Variants in BMP6 observed in about 807,000 individuals in gnomAD.
BMP6 encodes the protein VG-1-R.
Under a neutral mutation model 54.1 loss-of-function variants are expected in BMP6, and 17 were observed. That is an observed-to-expected ratio of 0.31 (90% CI 0.22 to 0.47). The LOEUF (loss-of-function observed/expected upper bound fraction) is 0.47, where lower values mean the gene tolerates loss of function less well. Ranked by LOEUF, BMP6 falls within the 20% of genes least tolerant of loss-of-function variation. The pLI, the probability that BMP6 is intolerant of heterozygous loss-of-function variation, is 1.00. For synonymous variants in BMP6, 328 were observed against 291.2 expected, an observed-to-expected ratio of 1.13 and a Z score of -1.28; for missense variants, 720 against 690.4, an observed-to-expected ratio of 1.04 and a Z score of -0.48.
chr6:7,783,300 A>G (rs1345292005), intron 1 of BMP6, among the ~76,000 whole-genome samples: 4 of 152,234 alleles, frequency 2.6e-5, no homozygotes, highest in African/African-American at 9.6e-5. Context: ...TCTTCTCCAT[A>G]AGACTGTTGT....
chr6:7,779,921 T>C (rs1757918423), intron 1 of BMP6, among the ~76,000 whole-genome samples: 1 of 151,980 alleles, frequency 6.6e-6, no homozygotes, highest in Non-Finnish European at 1.5e-5. Flanking sequence ...GTCTGGTGAG[T>C]GTGTTTGGGT....
intron 1 of BMP6, among the ~76,000 whole-genome samples, chr6:7,734,790 A>G (rs1438226888): frequency 6.6e-6 from 1 of 152,356 alleles, no homozygotes; most frequent in East Asian, 1.9e-4. Flanking sequence ...AAATTACATC[A>G]GTTAATTCCT....
At chr6:7,857,988 A>G (rs9392927) in intron 2 of BMP6, among the ~76,000 whole-genome samples, 7,015 of 152,212 alleles carry the variant, frequency 0.046, 281 homozygotes, top group East Asian at 0.21. Context: ...CTCCACCACT[A>G]TGCCACCATC....
At chr6:7,853,241 T>C (rs971800460) in intron 2 of BMP6, among the ~76,000 whole-genome samples, 4 of 152,134 alleles carry the variant, frequency 2.6e-5, no homozygotes, top group Non-Finnish European at 5.9e-5. Context: ...TTAGTGGGAA[T>C]GTTAGTTTGA....
intron 2 of BMP6, among the ~76,000 whole-genome samples, chr6:7,855,624 C>T (rs139870794): frequency 7.4e-6 from 1 of 135,354 alleles, no homozygotes; most frequent in East Asian, 2.5e-4. Flanking sequence ...TGCAGTGGCA[C>T]AATCTCAGCT....
chr6:7,763,091 C>T (rs1465333285), intron 1 of BMP6, among the ~76,000 whole-genome samples: 1 of 152,206 alleles, frequency 6.6e-6, no homozygotes, highest in African/African-American at 2.4e-5. Flanking sequence ...ATGAATTCTG[C>T]AAGTCTTGGT....
intron 1 of BMP6, among the ~76,000 whole-genome samples, chr6:7,782,966 T>C (rs1228336729): frequency 6.6e-6 from 1 of 152,092 alleles, no homozygotes; most frequent in African/African-American, 2.4e-5. Context: ...CTTTGCAACA[T>C]GGCGGTCACT....
intron 1 of BMP6, among the ~76,000 whole-genome samples, chr6:7,808,428 T>G (rs1025975556): frequency 6.6e-6 from 1 of 152,174 alleles, no homozygotes; most frequent in Non-Finnish European, 1.5e-5. Context: ...CATTGCAAAC[T>G]TAACAAAACC....
chr6:7,764,707 T>C (rs1757659801), intron 1 of BMP6, among the ~76,000 whole-genome samples: 1 of 152,160 alleles, frequency 6.6e-6, no homozygotes, highest in South Asian at 2.1e-4. Context: ...ATTCAAACTC[T>C]TGGACTCAAG....
At chr6:7,871,595 A>T (rs975134824) in intron 4 of BMP6, among the ~76,000 whole-genome samples, 1 of 152,192 alleles carries the variant, frequency 6.6e-6, no homozygotes, top group African/African-American at 2.4e-5. Flanking sequence ...TGAGGGGGAA[A>T]ATTGCCTCTG....
chr6:7,817,642 G>A (rs1485474391), intron 1 of BMP6, among the ~76,000 whole-genome samples: 2 of 151,620 alleles, frequency 1.3e-5, no homozygotes, highest in African/African-American at 2.4e-5. Flanking sequence ...GTTAATGGGT[G>A]CAGCACACCA....
chr6:7,841,252 G>A (rs1157843204), intron 1 of BMP6, among the ~76,000 whole-genome samples: 1 of 152,084 alleles, frequency 6.6e-6, no homozygotes, highest in Non-Finnish European at 1.5e-5. Context: ...TCTTAACTAC[G>A]ACTTAATTGT....
At position 7,871,612 on chromosome 6, in the gene BMP6, T is replaced by C. The variant is rs1477363607; in HGVS notation, c.1205-7462T>C. On this transcript the variant is annotated intron_variant, in intron 4 of 6. Coordinates refer to ENST00000283147, the MANE Select transcript of BMP6 (RefSeq NM_001718.6). ...AGGGGGAAAATTGCCTCTGGGCGGC[T>C]GGTGCCCCTGCCCTTGAGGGGGACC... Among the ~76,000 whole-genome samples the C allele has an allele frequency of 2.6e-5, 4 of 152,248 alleles. No homozygotes were observed. The East Asian group carries it at 7.7e-4, about 29-fold the overall frequency.
chr6:7,750,105 A>G (rs1345302672), intron 1 of BMP6, among the ~76,000 whole-genome samples: 4 of 152,172 alleles, frequency 2.6e-5, no homozygotes. Flanking sequence ...GCTTTTACTC[A>G]CTGTCAATGC....
chr6:7,801,859 C>T (rs1327967867), intron 1 of BMP6, among the ~76,000 whole-genome samples: 5 of 152,160 alleles, frequency 3.3e-5, no homozygotes, highest in Non-Finnish European at 7.3e-5. Context: ...GCAGAAGCAA[C>T]GGCCTGATAT....
At chr6:7,866,495 A>G (rs536873380) in intron 4 of BMP6, among the ~76,000 whole-genome samples, 12 of 152,312 alleles carry the variant, frequency 7.9e-5, no homozygotes, top group Non-Finnish European at 1.8e-4. Context: ...CCAATCCATG[A>G]CAAGGTCCAT....
At chr6:7,846,907 T>C (rs1199605765) in intron 2 of BMP6, among the ~76,000 whole-genome samples, 1 of 152,198 alleles carries the variant, frequency 6.6e-6, no homozygotes, top group African/African-American at 2.4e-5. Context: ...TACTGGTATC[T>C]TTTTGGCTCA....
intron 1 of BMP6, among the ~76,000 whole-genome samples, chr6:7,800,313 A>G (rs1301112179): frequency 6.6e-6 from 1 of 152,178 alleles, no homozygotes; most frequent in Non-Finnish European, 1.5e-5. Context: ...TTGAACTCTT[A>G]TGGAGAGAGC....
intron 1 of BMP6, among the ~76,000 whole-genome samples, chr6:7,808,496 T>C (rs971003075): frequency 8.5e-5 from 13 of 152,204 alleles, no homozygotes; most frequent in Non-Finnish European, 1.2e-4. Context: ...TTCTGAATTG[T>C]CCATTTTAAA....
Sources: gnomAD v4.1 joint callset for allele counts (sites outside exome capture counted in the v4.1 genomes callset) on GRCh38, gnomAD v4.1.1 for gene constraint, MANE v1.5 for transcripts, NCBI Gene and HGNC (gene_info 2026-07-23, HGNC 2026-07-21) for gene names.